Variants in BBS9 observed in about 807,000 individuals in gnomAD.
BBS9 encodes protein PTHB1.
In BBS9, 89 loss-of-function variants were observed where a neutral mutation model predicts 117.7. That is an observed-to-expected ratio of 0.76 (90% CI 0.64 to 0.90). BBS9 has a LOEUF of 0.90. Ranked by LOEUF, BBS9 falls within the 40% of genes least tolerant of loss-of-function variation. The probability of loss-of-function intolerance (pLI) is 0.00; values close to 1 mark genes in which losing one functional copy is unlikely to be tolerated. For missense variants in BBS9, 982 were observed against 1,042.2 expected (o/e 0.94, Z 0.80); for synonymous variants, 379 against 370.9 (o/e 1.02, Z -0.25).
At chr7:33,322,356 CTTTTTTTTTTT>C (rs35411730) in intron 9 of BBS9, among the ~76,000 whole-genome samples, 1,584 of 74,266 alleles carry the variant, frequency 0.021, 58 homozygotes, top group African/African-American at 0.07. Flanking sequence ...GGGTCTCAGG[CTTTTTTTTTTT>C]TTTTTTTTTT....
chr7:33,550,558 C>G (rs1228895636), intron 21 of BBS9, among the ~76,000 whole-genome samples: 1 of 152,144 alleles, frequency 6.6e-6, no homozygotes. Flanking sequence ...TCTGACACTA[C>G]TCAGCCACAA....
intron 21 of BBS9, among the ~76,000 whole-genome samples, chr7:33,553,981 G>A (rs1011355954): frequency 6.6e-6 from 1 of 152,082 alleles, no homozygotes; most frequent in Non-Finnish European, 1.5e-5. Flanking sequence ...CTTTCGATAG[G>A]GTGATTGGGG....
At chr7:33,457,336 C>T (rs971889766) in intron 19 of BBS9, among the ~76,000 whole-genome samples, 9 of 152,082 alleles carry the variant, frequency 5.9e-5, no homozygotes, top group Admixed American at 2.0e-4. Context: ...GAGGAGTTTC[C>T]GCTTCTACAA....
chr7:33,320,562 T>C (rs1373479917), intron 9 of BBS9, among the ~76,000 whole-genome samples: 4 of 152,164 alleles, frequency 2.6e-5, no homozygotes, highest in Non-Finnish European at 5.9e-5. Context: ...TGAGACTGGA[T>C]ATCTCTCCAA....
intron 21 of BBS9, among the ~76,000 whole-genome samples, chr7:33,628,859 C>T (rs1024165958): frequency 5.9e-5 from 9 of 152,100 alleles, no homozygotes; most frequent in Admixed American, 5.9e-4. Context: ...TGATAATATC[C>T]ATATATTACC....
intron 20 of BBS9, among the ~76,000 whole-genome samples, chr7:33,527,701 C>G (rs1321628781): frequency 6.6e-6 from 1 of 152,218 alleles, no homozygotes; most frequent in Non-Finnish European, 1.5e-5. Flanking sequence ...CAGAAATCAC[C>G]CGTCTTCTGC....
Position 33,152,883 on chromosome 7 carries a change from T to C in BBS9, c.263+32T>C. 1.9e-6 allele frequency: 3 copies of C among 1,608,496 alleles called. No individual in the cohort carries two copies. The South Asian group carries it at 3.3e-5, about 18-fold the overall frequency. The stretch of plus-strand genomic sequence containing the variant: ...AAGCCCACTAATTCTGGTATTTTAC[T>C]TGGAGTATGTCAATCCTTTACAGTG... On this transcript the variant is annotated intron_variant, in intron 3 of 22. Coordinates refer to ENST00000242067, the MANE Select transcript of BBS9 (RefSeq NM_198428.3).
At chr7:33,214,173 G>A (rs1345530494) in intron 5 of BBS9, among the ~76,000 whole-genome samples, 1 of 152,192 alleles carries the variant, frequency 6.6e-6, no homozygotes, top group Non-Finnish European at 1.5e-5. Flanking sequence ...ATTGGGATGG[G>A]CGATTCCCCT....
At chr7:33,500,665 A>G (rs1274630304) in intron 19 of BBS9, among the ~76,000 whole-genome samples, 2 of 152,248 alleles carry the variant, frequency 1.3e-5, no homozygotes, top group Non-Finnish European at 2.9e-5. Context: ...AGTGCCACAC[A>G]TGAAATATGG....
intron 17 of BBS9, among the ~76,000 whole-genome samples, chr7:33,381,628 A>G (rs985493268): frequency 1.3e-5 from 2 of 152,210 alleles, no homozygotes; most frequent in Admixed American, 6.5e-5. Context: ...TCATTTATTT[A>G]CAAAAGTAAA....
intron 21 of BBS9, among the ~76,000 whole-genome samples, chr7:33,552,215 A>G (rs1421595265): frequency 1.3e-5 from 2 of 152,212 alleles, no homozygotes; most frequent in East Asian, 1.9e-4. Context: ...TTACTACACT[A>G]TAATATCTGA....
intron 21 of BBS9, among the ~76,000 whole-genome samples, chr7:33,535,098 C>T (rs1230511224): frequency 6.6e-6 from 1 of 152,158 alleles, no homozygotes; most frequent in Admixed American, 6.5e-5. Context: ...AAAAGATAAA[C>T]ATGGAGACAG....
intron 5 of BBS9, among the ~76,000 whole-genome samples, chr7:33,235,955 G>GATATAGTTAGATAT (rs1793402191): frequency 6.6e-6 from 1 of 151,986 alleles, no homozygotes; most frequent in African/African-American, 2.4e-5. Flanking sequence ...AGCTCTTTTT[G>GATATAGTTAGATAT]AGTAACGAAA....
At chr7:33,220,297 T>TA (rs1048682182) in intron 5 of BBS9, among the ~76,000 whole-genome samples, 13 of 152,204 alleles carry the variant, frequency 8.5e-5, no homozygotes, top group Middle Eastern at 6.8e-3. Context: ...ATGGCATAGT[T>TA]AAAAAAAGGG....
rs542812401 is a variant in BBS9, at chr7:33,471,638, C to T, written c.2116-33825C>T. Among the ~76,000 whole-genome samples the T allele has an allele frequency of 7.2e-5, 11 of 152,310 alleles. No individual in the cohort carries two copies. The South Asian group carries it at 2.3e-3, about 32-fold the overall frequency. On this transcript the variant is annotated intron_variant, in intron 19 of 22. Coordinates refer to ENST00000242067, the MANE Select transcript of BBS9 (RefSeq NM_198428.3). Reference sequence around the variant, plus strand: ...GCTGTCCACTGTGCTTTCCACCACACCACATTGCCAGAGGCAATGGCAGTG... The same window carrying T: ...GCTGTCCACTGTGCTTTCCACCACATCACATTGCCAGAGGCAATGGCAGTG...
intron 9 of BBS9, among the ~76,000 whole-genome samples, chr7:33,321,583 T>G (rs1419515922): frequency 6.6e-6 from 1 of 152,150 alleles, no homozygotes; most frequent in East Asian, 1.9e-4. Context: ...TTTTGTATCT[T>G]GCAAATTTAC....
At chr7:33,295,445 T>A (rs1026414897) in intron 9 of BBS9, among the ~76,000 whole-genome samples, 29 of 151,814 alleles carry the variant, frequency 1.9e-4, no homozygotes, top group African/African-American at 6.8e-4. Flanking sequence ...ACCAGATTTT[T>A]TTGTGATGCT....
intron 19 of BBS9, among the ~76,000 whole-genome samples, chr7:33,501,771 ACT>A (rs1470040234): frequency 1.1e-4 from 17 of 152,202 alleles, no homozygotes. Flanking sequence ...TAACACCCAC[ACT>A]CAGAATACTC....
chr7:33,595,195 G>A (rs1277213288), intron 21 of BBS9, among the ~76,000 whole-genome samples: 1 of 152,142 alleles, frequency 6.6e-6, no homozygotes, highest in Non-Finnish European at 1.5e-5. Context: ...TGACAAATGG[G>A]ATTTAATTAA....
Sources: gnomAD v4.1 joint callset for allele counts (sites outside exome capture counted in the v4.1 genomes callset) on GRCh38, gnomAD v4.1.1 for gene constraint, MANE v1.5 for transcripts, NCBI Gene and HGNC (gene_info 2026-07-23, HGNC 2026-07-21) for gene names.